The following NRIP1 variants were observed in gnomAD, a reference collection of about 807,000 sequenced individuals.
NRIP1 encodes the protein nuclear receptor-interacting protein 1.
Under a neutral mutation model 75.0 loss-of-function variants are expected in NRIP1, and 28 were observed. That is an observed-to-expected ratio of 0.37 (90% confidence interval 0.28 to 0.51). NRIP1 has a LOEUF of 0.51. Among genes scored for constraint, NRIP1 ranks in the 20% least tolerant of loss-of-function variants. NRIP1 has a pLI of 0.92. For synonymous variants in NRIP1, 526 were observed against 487.6 expected (o/e 1.08, Z -1.04); for missense variants, 1,435 against 1,343.7 (o/e 1.07, Z -1.06).
At chr21:15,033,616 G>T (rs973968380) in intron 2 of NRIP1, among the ~76,000 whole-genome samples, 3 of 152,176 alleles carry the variant, frequency 2.0e-5, no homozygotes, top group Non-Finnish European at 4.4e-5. Context: ...TATCGAGTGG[G>T]TTATTGTCAG....
chr21:15,061,178 T>C (rs2089415904), intron 1 of NRIP1, among the ~76,000 whole-genome samples: 1 of 152,220 alleles, frequency 6.6e-6, no homozygotes, highest in Non-Finnish European at 1.5e-5. Flanking sequence ...GTAGTCAAGA[T>C]TATTTTAATG....
chr21:15,034,801 A>AAAAAAT (rs2088795580), intron 2 of NRIP1, among the ~76,000 whole-genome samples: 1 of 152,200 alleles, frequency 6.6e-6, no homozygotes, highest in South Asian at 2.1e-4. Flanking sequence ...CATAAAAAAT[A>AAAAAAT]AAAAATAAAA....
intron 2 of NRIP1, among the ~76,000 whole-genome samples, chr21:15,015,437 T>TA (rs1227511153): frequency 6.6e-6 from 1 of 152,192 alleles, no homozygotes; most frequent in Non-Finnish European, 1.5e-5. Flanking sequence ...CTTAACATGT[T>TA]ATATGTCCGT....
At chr21:14,985,182 C>T (rs191425120) in intron 3 of NRIP1, among the ~76,000 whole-genome samples, 1 of 152,326 alleles carries the variant, frequency 6.6e-6, no homozygotes, top group Admixed American at 6.5e-5. Flanking sequence ...CTAGCAGAGG[C>T]AGCATTCCTA....
intron 3 of NRIP1, among the ~76,000 whole-genome samples, chr21:14,976,534 G>C (rs2087074868): frequency 6.6e-6 from 1 of 152,038 alleles, no homozygotes; most frequent in Non-Finnish European, 1.5e-5. Context: ...TAAATACTGT[G>C]CATACTAACA....
chr21:15,041,776 A>AT (rs2147317390), intron 2 of NRIP1, among the ~76,000 whole-genome samples: 1 of 152,294 alleles, frequency 6.6e-6, no homozygotes, highest in East Asian at 1.9e-4. Context: ...CGAAATATTT[A>AT]TAATAGTTCA....
At position 14,966,029 on chromosome 21, in the gene NRIP1, T is replaced by C. The variant is rs1346120040; in HGVS notation, c.2164A>G (p.Lys722Glu). ...TTCTCTTTTTTTTCACTCTTCCCTT[T>C]GTTGGGGTTCCCCAGGAGCAACTGG... is the stretch of plus-strand genomic sequence containing the variant. ...VLQLLLGNPN[K>E]GKSEKKEKTP... Residue 722 changes from lysine (K) to glutamate (E), a missense_variant, in exon 4 of 4, where the codon AAA becomes GAA. Coordinates refer to ENST00000318948, the MANE Select transcript of NRIP1 (RefSeq NM_003489.4). The C allele has an allele frequency of 6.2e-7, 1 of 1,611,960 alleles. No homozygotes were observed. Among genetic ancestry groups the C allele is most frequent in the South Asian group, 1.1e-5 (1 of 90,656 alleles).
rs1041403 is a variant in NRIP1 at position 14,963,194 on chromosome 21, C to T, written c.*1522G>A. Reference sequence around the variant, plus strand: ...TTATTTAGTCAATCTGAGTTTAGTGCCCTTCTTGGGTTTAAACTAAATGTT... The same window carrying T: ...TTATTTAGTCAATCTGAGTTTAGTGTCCTTCTTGGGTTTAAACTAAATGTT... On this transcript the variant is annotated 3_prime_UTR_variant, in exon 4 of 4. Coordinates refer to ENST00000318948, the MANE Select transcript of NRIP1 (RefSeq NM_003489.4). 50,774 of 152,188 alleles carry T rather than the reference C, an allele frequency of 0.33. 8,673 individuals carry two copies. Among genetic ancestry groups the T allele is most frequent in the African/African-American group, 0.36 (14,953 of 41,388 alleles). The allele number at this position is 152,188 out of a possible 1,614,324, so 9.4% of individuals were successfully genotyped here.
rs1470362125 is a variant in NRIP1 at position 14,966,925 on chromosome 21, C to G, written c.1268G>C (p.Ser423Thr). The change falls in exon 4 of 4, where the codon AGT becomes ACT. Residue 423 changes from serine to threonine, a missense_variant. Coordinates refer to ENST00000318948, the MANE Select transcript of NRIP1 (RefSeq NM_003489.4). The stretch of plus-strand genomic sequence containing the variant: ...ATCACCACTGCTGTCATCTGTAAAA[C>G]TAGGATTGTTATCTGAATATTCATC... ...TIDEYSDNNPSFTDDSSGDES... is the reference protein window; with the variant it reads ...TIDEYSDNNPTFTDDSSGDES... 6.2e-7 allele frequency: 1 copy of G among 1,614,016 alleles called. No individual in the cohort carries two copies. The highest frequency in any genetic ancestry group is 8.5e-7 in the Non-Finnish European group (1 of 1,180,016).
At chr21:14,997,730 T>G (rs964789998) in intron 3 of NRIP1, among the ~76,000 whole-genome samples, 1 of 148,802 alleles carries the variant, frequency 6.7e-6, no homozygotes, top group Admixed American at 6.7e-5. Context: ...TATATACACA[T>G]AAATATATTT....
At chr21:14,979,750 G>A (rs904049750) in intron 3 of NRIP1, among the ~76,000 whole-genome samples, 12 of 151,978 alleles carry the variant, frequency 7.9e-5, no homozygotes, top group Admixed American at 2.0e-4. Flanking sequence ...TCCTGACCTC[G>A]TGATCCACCT....
chr21:15,019,474 T>C (rs1316554522), intron 2 of NRIP1, among the ~76,000 whole-genome samples: 3 of 60,000 alleles, frequency 5.0e-5, no homozygotes, highest in African/African-American at 1.5e-4. Context: ...GCATTTCTTT[T>C]TTTTTTTTTT....
At chr21:14,970,986 CCT>C (rs146489184) in intron 3 of NRIP1, among the ~76,000 whole-genome samples, 7,879 of 152,198 alleles carry the variant, frequency 0.052, 650 homozygotes, top group African/African-American at 0.17. Context: ...CATTTATTTA[CCT>C]CTCTACCATT....
At chr21:14,974,845 T>C (rs1318978120) in intron 3 of NRIP1, among the ~76,000 whole-genome samples, 2 of 152,194 alleles carry the variant, frequency 1.3e-5, no homozygotes, top group Admixed American at 1.3e-4. Context: ...CAGTGGCTCA[T>C]GCCTGTAACT....
chr21:15,024,280 C>T (rs781465829), intron 2 of NRIP1, among the ~76,000 whole-genome samples: 4 of 152,168 alleles, frequency 2.6e-5, no homozygotes, highest in Non-Finnish European at 5.9e-5. Flanking sequence ...TGATGGCTCA[C>T]GCCTATAATC....
At chr21:15,030,503 T>C (rs1294066890) in intron 2 of NRIP1, among the ~76,000 whole-genome samples, 1 of 151,952 alleles carries the variant, frequency 6.6e-6, no homozygotes, top group East Asian at 1.9e-4. Context: ...GATATTTCAA[T>C]GGAAATCATA....
chr21:14,983,902 T>C (rs9981346), intron 3 of NRIP1, among the ~76,000 whole-genome samples: 2,549 of 152,300 alleles, frequency 0.017, 76 homozygotes, highest in African/African-American at 0.057. Context: ...AAAACAAAAA[T>C]TCCTTTCAAA....
intron 1 of NRIP1, among the ~76,000 whole-genome samples, chr21:15,048,310 A>C (rs1314236623): frequency 6.6e-6 from 1 of 152,236 alleles, no homozygotes; most frequent in East Asian, 1.9e-4. Flanking sequence ...AGTTTGTAAA[A>C]AACAAAATTA....
intron 3 of NRIP1, among the ~76,000 whole-genome samples, chr21:14,975,654 G>A (rs2087039923): frequency 1.4e-5 from 2 of 138,056 alleles, no homozygotes; most frequent in African/African-American, 3.0e-5. Flanking sequence ...AGGAAGGAAG[G>A]AAGGGAGAGA....
Sources: gnomAD v4.1 joint callset for allele counts (sites outside exome capture counted in the v4.1 genomes callset) on GRCh38, gnomAD v4.1.1 for gene constraint, MANE v1.5 for transcripts, NCBI Gene and HGNC (gene_info 2026-07-23, HGNC 2026-07-21) for gene names.